The following PLCXD3 variants were observed in gnomAD, a reference collection of about 807,000 sequenced individuals.
The protein encoded by PLCXD3 is phosphatidylinositol specific phospholipase C X domain containing 3.
Under a neutral mutation model 25.5 loss-of-function variants are expected in PLCXD3, and 19 were observed. The observed-to-expected ratio is 0.75, with a 90% CI of 0.52 to 1.09. PLCXD3 has a LOEUF of 1.09. Among genes scored for constraint, PLCXD3 ranks in the 50% least tolerant of loss-of-function variants. The pLI is 0.00. For missense variants in PLCXD3, 411 were observed against 388.1 expected, an observed-to-expected ratio of 1.06 and a Z score of -0.50; for synonymous variants, 174 against 137.6, an observed-to-expected ratio of 1.26 and a Z score of -1.85.
At chr5:41,493,139 T>A (rs1376321197) in intron 1 of PLCXD3, among the ~76,000 whole-genome samples, 7 of 152,320 alleles carry the variant, frequency 4.6e-5, no homozygotes, top group Non-Finnish European at 8.8e-5. Context: ...TTGTTAGTTT[T>A]CCTTCTAACA....
chr5:41,394,581 CA>C (rs1308997304), intron 1 of PLCXD3, among the ~76,000 whole-genome samples: 5 of 151,914 alleles, frequency 3.3e-5, no homozygotes, highest in African/African-American at 1.2e-4. Flanking sequence ...ACACTTTACC[CA>C]TAAAGTCCAC....
chr5:41,342,813 T>C (rs1744189043), intron 2 of PLCXD3, among the ~76,000 whole-genome samples: 4 of 152,182 alleles, frequency 2.6e-5, no homozygotes, highest in Non-Finnish European at 5.9e-5. Flanking sequence ...TATAACATAC[T>C]TAGCTATTTT....
intron 1 of PLCXD3, among the ~76,000 whole-genome samples, chr5:41,445,890 A>G (rs938663768): frequency 1.3e-5 from 2 of 152,050 alleles, no homozygotes; most frequent in Non-Finnish European, 2.9e-5. Flanking sequence ...TATTTAAATT[A>G]AAAAAAGAAC....
intron 1 of PLCXD3, among the ~76,000 whole-genome samples, chr5:41,465,607 A>G (rs542538881): frequency 6.6e-6 from 1 of 151,876 alleles, no homozygotes; most frequent in African/African-American, 2.4e-5. Flanking sequence ...CCAAGGGAAT[A>G]AAAGAACTTG....
At chr5:41,468,253 G>A (rs530216951) in intron 1 of PLCXD3, among the ~76,000 whole-genome samples, 2 of 151,950 alleles carry the variant, frequency 1.3e-5, no homozygotes, top group South Asian at 4.2e-4. Context: ...CCTGACCTCA[G>A]GTGATTCACC....
At chr5:41,448,709 C>A (rs908170019) in intron 1 of PLCXD3, among the ~76,000 whole-genome samples, 1 of 152,056 alleles carries the variant, frequency 6.6e-6, no homozygotes, top group African/African-American at 2.4e-5. Context: ...CACCAAGTAA[C>A]AAAATCTAAT....
chr5:41,466,936 TTTTC>T (rs1183864251), intron 1 of PLCXD3, among the ~76,000 whole-genome samples: 1 of 152,176 alleles, frequency 6.6e-6, no homozygotes, highest in Non-Finnish European at 1.5e-5. Context: ...ATATACCACA[TTTTC>T]TTTATCTATT....
At chr5:41,409,177 T>C (rs1230856089) in intron 1 of PLCXD3, among the ~76,000 whole-genome samples, 3 of 152,196 alleles carry the variant, frequency 2.0e-5, no homozygotes, top group South Asian at 2.1e-4. Context: ...ATCTGTTTTG[T>C]ACAGGAAACT....
At chr5:41,490,567 G>C (rs560225236) in intron 1 of PLCXD3, among the ~76,000 whole-genome samples, 1 of 152,252 alleles carries the variant, frequency 6.6e-6, no homozygotes, top group South Asian at 2.1e-4. Flanking sequence ...TCTGGTCCTG[G>C]ACTATTTTTG....
At chr5:41,344,878 T>G (rs1327059360) in intron 2 of PLCXD3, among the ~76,000 whole-genome samples, 1 of 152,182 alleles carries the variant, frequency 6.6e-6, no homozygotes, top group Non-Finnish European at 1.5e-5. Flanking sequence ...CCACCTACTC[T>G]GGGCACTAAG....
intron 2 of PLCXD3, among the ~76,000 whole-genome samples, chr5:41,351,775 CATAG>C (rs1351761379): frequency 2.0e-5 from 3 of 152,152 alleles, no homozygotes; most frequent in African/African-American, 7.2e-5. Context: ...TATTGCCTAT[CATAG>C]ATAGATAATG....
intron 1 of PLCXD3, among the ~76,000 whole-genome samples, chr5:41,488,369 AAT>A (rs1748569629): frequency 7.5e-6 from 1 of 132,620 alleles, no homozygotes. Context: ...TGCTATTGTG[AAT>A]AGTGCTGCAA....
At chr5:41,500,170 G>C (rs1038839154) in intron 1 of PLCXD3, among the ~76,000 whole-genome samples, 1 of 151,824 alleles carries the variant, frequency 6.6e-6, no homozygotes, top group Non-Finnish European at 1.5e-5. Flanking sequence ...ATCAAACTTA[G>C]TGCCCAACAA....
chr5:41,466,026 G>T lies in PLCXD3; in HGVS notation c.103+44398C>A, dbSNP rs191369991. Among the ~76,000 whole-genome samples the T allele has an allele frequency of 7.7e-4, 117 of 151,982 alleles. 1 individual carries two copies. Among genetic ancestry groups the T allele is most frequent in the Non-Finnish European group, 1.3e-3 (91 of 67,938 alleles). ...GCAAACACAAAGAGAAACACATTTCGTTTATCATTTTCCCCTAGATCTCAT... is the reference window on the plus strand; with the variant it reads ...GCAAACACAAAGAGAAACACATTTCTTTTATCATTTTCCCCTAGATCTCAT... On this transcript the variant is annotated intron_variant, in intron 1 of 2. Transcript: ENST00000377801.
chr5:41,416,674 C>T (rs566117493), intron 1 of PLCXD3, among the ~76,000 whole-genome samples: 1 of 152,290 alleles, frequency 6.6e-6, no homozygotes, highest in Admixed American at 6.5e-5. Flanking sequence ...TAGAGCTGGG[C>T]TGGTTAAAAG....
chr5:41,432,965 G>A (rs1747152676), intron 1 of PLCXD3, among the ~76,000 whole-genome samples: 1 of 152,154 alleles, frequency 6.6e-6, no homozygotes, highest in South Asian at 2.1e-4. Context: ...CCCAGAACCA[G>A]TTTCTTATGT....
rs138318535 is a variant in PLCXD3, at chr5:41,399,400, A to G, written c.104-16866T>C. ...TAGAATAGCCAAAGCAATCTCAAGC[A>G]AAAATTACAAAACTGAAGGAATCAC... On this transcript the variant is annotated intron_variant, in intron 1 of 2. Transcript: ENST00000377801. 3.5e-3 allele frequency among the ~76,000 whole-genome samples: 536 copies of G among 152,330 alleles called. 2 individuals are homozygous for G. Among genetic ancestry groups the G allele is most frequent in the African/African-American group, 0.013 (522 of 41,594 alleles).
chr5:41,389,155 A>C (rs1445153822), intron 1 of PLCXD3, among the ~76,000 whole-genome samples: 4 of 152,108 alleles, frequency 2.6e-5, no homozygotes, highest in Admixed American at 6.6e-5. Flanking sequence ...TACTGGAGAC[A>C]GAGAAACCAG....
At chr5:41,351,117 C>T (rs958666133) in intron 2 of PLCXD3, among the ~76,000 whole-genome samples, 21 of 152,088 alleles carry the variant, frequency 1.4e-4, no homozygotes, top group Non-Finnish European at 2.5e-4. Flanking sequence ...ACCACAAATC[C>T]TCAGAGCAGA....
Sources: gnomAD v4.1 joint callset for allele counts (sites outside exome capture counted in the v4.1 genomes callset) on GRCh38, gnomAD v4.1.1 for gene constraint, MANE v1.5 for transcripts, NCBI Gene and HGNC (gene_info 2026-07-23, HGNC 2026-07-21) for gene names.